Variants in PHLDB2 observed in about 807,000 individuals in gnomAD.
PHLDB2 encodes pleckstrin homology like domain family B member 2.
PHLDB2 carries 71 observed loss-of-function variants against 123.6 expected under a neutral mutation model. That is an observed-to-expected ratio of 0.57 (90% CI 0.47 to 0.70). The LOEUF (loss-of-function observed/expected upper bound fraction) is 0.70, where lower values mean the gene tolerates loss of function less well. PHLDB2 is among the 30% of genes least tolerant of loss of function. The pLI, the probability that PHLDB2 is intolerant of heterozygous loss-of-function variation, is 0.00. For missense variants in PHLDB2, 1,446 were observed against 1,519.5 expected, an observed-to-expected ratio of 0.95 and a Z score of 0.80; for synonymous variants, 547 against 541.6, an observed-to-expected ratio of 1.01 and a Z score of -0.14.
chr3:111,747,241 A>G (rs910071409), intron 1 of PHLDB2, among the ~76,000 whole-genome samples: 4 of 152,194 alleles, frequency 2.6e-5, no homozygotes, highest in Admixed American at 2.6e-4. Flanking sequence ...GAAGAAAAGT[A>G]TTACATATAT....
intron 1 of PHLDB2, among the ~76,000 whole-genome samples, chr3:111,784,289 T>C (rs2060597980): frequency 6.6e-6 from 1 of 152,138 alleles, no homozygotes; most frequent in African/African-American, 2.4e-5. Flanking sequence ...CAGAAAAAAC[T>C]GTAAATGTGA....
At chr3:111,846,790 C>G (rs1262216846) in intron 2 of PHLDB2, among the ~76,000 whole-genome samples, 1 of 152,260 alleles carries the variant, frequency 6.6e-6, no homozygotes, top group Non-Finnish European at 1.5e-5. Flanking sequence ...CTCAGTTGCT[C>G]TATTGTGGGG....
intron 9 of PHLDB2, among the ~76,000 whole-genome samples, chr3:111,946,426 G>T (rs2107618214): frequency 6.6e-6 from 1 of 152,324 alleles, no homozygotes; most frequent in South Asian, 2.1e-4. Context: ...AGACAGTGGA[G>T]TTTGGACTCT....
chr3:111,801,837 A>C (rs1158593641), intron 1 of PHLDB2, among the ~76,000 whole-genome samples: 1 of 151,892 alleles, frequency 6.6e-6, no homozygotes, highest in African/African-American at 2.4e-5. Context: ...GGGGACTGGG[A>C]GGAGGGAAGA....
chr3:111,920,177 T>A (rs2068417892), intron 4 of PHLDB2, 105 bp from the exon 5 acceptor site: 2 of 1,318,684 alleles, frequency 1.5e-6, no homozygotes, highest in Non-Finnish European at 2.1e-6. Flanking sequence ...GCTGCTACAG[T>A]ATTACTTTTG....
At chr3:111,958,448 T>C (rs1383126119) in intron 12 of PHLDB2, among the ~76,000 whole-genome samples, 1 of 152,240 alleles carries the variant, frequency 6.6e-6, no homozygotes, top group Non-Finnish European at 1.5e-5. Context: ...GGCAGGACTC[T>C]ACACATTGTG....
intron 1 of PHLDB2, among the ~76,000 whole-genome samples, chr3:111,780,415 G>GGAAGAAGAAGA (rs2060423164): frequency 7.1e-6 from 1 of 141,346 alleles, no homozygotes; most frequent in African/African-American, 2.6e-5. Flanking sequence ...AGAAGAAAAA[G>GGAAGAAGAAGA]ATTAGTTCGG....
chr3:111,800,680 T>C (rs544544586), intron 1 of PHLDB2, among the ~76,000 whole-genome samples: 1 of 152,224 alleles, frequency 6.6e-6, no homozygotes, highest in Non-Finnish European at 1.5e-5. Context: ...CTGCTTGTTT[T>C]AAGAAGCATT....
At chr3:111,759,107 C>A (rs1327411634) in intron 1 of PHLDB2, among the ~76,000 whole-genome samples, 5 of 148,834 alleles carry the variant, frequency 3.4e-5, no homozygotes, top group Non-Finnish European at 7.4e-5. Flanking sequence ...GCATAAATAT[C>A]CTAGTGATAT....
rs138304242 is a variant in PHLDB2, at chr3:111,735,099, C to T, written c.-49+2396C>T. On this transcript the variant is annotated intron_variant, in intron 1 of 17. Coordinates refer to the PHLDB2 transcript ENST00000393923. ...ATTCTGAGCCCCAACTAAAGTACAA[C>T]ATCTGAACTCTTTCCAGAGAAGAAA... Among the ~76,000 whole-genome samples the T allele has an allele frequency of 5.1e-3, 782 of 152,308 alleles. 4 individuals carry two copies. The highest frequency in any genetic ancestry group is 9.1e-3 in the Admixed American group (139 of 15,296).
At chr3:111,879,327 G>A (rs1395226267) in intron 1 of PHLDB2, among the ~76,000 whole-genome samples, 1 of 152,140 alleles carries the variant, frequency 6.6e-6, no homozygotes, top group Non-Finnish European at 1.5e-5. Context: ...AGATTTTCTA[G>A]TTTATTTGCG....
chr3:111,749,640 C>G (rs1038351256), intron 1 of PHLDB2, among the ~76,000 whole-genome samples: 4 of 152,218 alleles, frequency 2.6e-5, no homozygotes, highest in African/African-American at 9.6e-5. Context: ...GCAGGAACTT[C>G]TTAGTGATTA....
At chr3:111,945,695 C>A (rs2070252823) in intron 9 of PHLDB2, among the ~76,000 whole-genome samples, 1 of 151,962 alleles carries the variant, frequency 6.6e-6, no homozygotes, top group Non-Finnish European at 1.5e-5. Flanking sequence ...CTTTTTCCTT[C>A]CTGAGTCTCC....
At chr3:111,889,005 C>T (rs1192810659) in intron 2 of PHLDB2, among the ~76,000 whole-genome samples, 1 of 152,172 alleles carries the variant, frequency 6.6e-6, no homozygotes, top group Non-Finnish European at 1.5e-5. Flanking sequence ...TATGTTCAAG[C>T]TAACACATCA....
In PHLDB2 at chr3:111,839,241, C is replaced by T. The variant is rs183332864; in HGVS notation, c.-48-6580C>T. Reference sequence around the variant, plus strand: ...TTAGAGTCAGAAAAACTAAATATAACACATGTTCCTAGATTGCATTCTATA... The same window carrying T: ...TTAGAGTCAGAAAAACTAAATATAATACATGTTCCTAGATTGCATTCTATA... On this transcript the variant is annotated intron_variant, in intron 1 of 17. Transcript: ENST00000393923. Among the ~76,000 whole-genome samples, 43 of 152,244 alleles carry T rather than the reference C, an allele frequency of 2.8e-4. 1 individual carries two copies. Among genetic ancestry groups the T allele is most frequent in the Non-Finnish European group, 5.4e-4 (37 of 68,004 alleles).
chr3:111,949,284 G>A (rs1007026901), intron 10 of PHLDB2, among the ~76,000 whole-genome samples: 1 of 152,130 alleles, frequency 6.6e-6, no homozygotes, highest in African/African-American at 2.4e-5. Flanking sequence ...TGAAATTTAT[G>A]CTACGGAGTG....
At chr3:111,767,423 A>G (rs1388241097) in intron 1 of PHLDB2, among the ~76,000 whole-genome samples, 4 of 152,218 alleles carry the variant, frequency 2.6e-5, no homozygotes, top group Admixed American at 1.3e-4. Context: ...ACACCAAACT[A>G]GTGAATCAAA....
At position 111,919,116 on chromosome 3, in the gene PHLDB2, T is replaced by C. The variant is rs2107525785; in HGVS notation, c.1764T>C (p.Ala588=). The C allele has an allele frequency of 6.2e-7, 1 of 1,614,038 alleles. No homozygotes were observed. The highest frequency in any genetic ancestry group is 2.2e-5 in the East Asian group (1 of 44,892). The change falls in exon 4 of 18, where the codon GCT becomes GCC. Residue 588 remains alanine (A), a synonymous_variant. Transcript: ENST00000431670. ...ISEEQRSQEL[A]AMEETRIVIL... is the part of the protein sequence containing the mutation. Reference sequence around the variant, plus strand: ...AAGAACAGAGATCTCAGGAGTTGGCTGCAATGGAAGAAACCCGGATAGTCA... The same window carrying C: ...AAGAACAGAGATCTCAGGAGTTGGCCGCAATGGAAGAAACCCGGATAGTCA...
At position 111,884,567 on chromosome 3, in the gene PHLDB2, C is replaced by G; in HGVS notation, c.490C>G (p.Leu164Val). Residue 164 changes from leucine (L) to valine (V), a missense_variant, in exon 2 of 18, where the codon CTT becomes GTT. Physicochemically the swap from Leu to Val is conservative, Grantham distance 32 (BLOSUM62 1). Transcript: ENST00000431670. The stretch of plus-strand genomic sequence containing the variant: ...TAAATCGCATGACAATGTCTACTCT[C>G]TTGGAGGGCTGGAAGGTCGGAAGGC... The part of the protein sequence containing the change: ...RHKSHDNVYS[L>V]GGLEGRKASG... The G allele has an allele frequency of 6.2e-7, 1 of 1,614,116 alleles. No individual in the cohort carries two copies.
Sources: gnomAD v4.1 joint callset for allele counts (sites outside exome capture counted in the v4.1 genomes callset) on GRCh38, gnomAD v4.1.1 for gene constraint, MANE v1.5 for transcripts, NCBI Gene and HGNC (gene_info 2026-07-23, HGNC 2026-07-21) for gene names.